TRANK1: variants seen among roughly 807,000 people sequenced by gnomAD.
TRANK1 encodes TPR and ankyrin repeat-containing protein 1.
Under a neutral mutation model 266.0 loss-of-function variants are expected in TRANK1, and 198 were observed. That is an observed-to-expected ratio of 0.74 (90% CI 0.66 to 0.84). The LOEUF is 0.84. TRANK1 is among the 40% of genes least tolerant of loss of function. The pLI, the probability that TRANK1 is intolerant of heterozygous loss-of-function variation, is 0.00. For synonymous variants in TRANK1, 1,396 were observed against 1,384.1 expected, an observed-to-expected ratio of 1.01 and a Z score of -0.19; for missense variants, 3,326 against 3,634.6, an observed-to-expected ratio of 0.92 and a Z score of 2.18.
intron 1 of TRANK1, among the ~76,000 whole-genome samples, chr3:36,943,063 C>A (rs2080519126): frequency 6.6e-6 from 1 of 151,782 alleles, no homozygotes; most frequent in African/African-American, 2.4e-5. Context: ...CCACCCCCGG[C>A]CCCCCGTAAT....
At chr3:36,893,026 C>A in intron 5 of TRANK1, 42 bp from the exon 6 acceptor site, 1 of 1,249,686 alleles carries the variant, frequency 8.0e-7, no homozygotes, top group Non-Finnish European at 1.1e-6. Flanking sequence ...ATAATGTTCT[C>A]CACATAGGTT....
rs531163322 is a variant in TRANK1, at chr3:36,887,956, A to G, written c.907+1873T>C. 2.1e-4 allele frequency among the ~76,000 whole-genome samples: 32 copies of G among 152,342 alleles called. No homozygotes were observed. The South Asian group carries it at 6.6e-3, about 32-fold the overall frequency. The stretch of plus-strand genomic sequence containing the variant: ...GGGAAACAGTCTGGCAGTTCCTCAA[A>G]AGGTTAAACATAGTGTTACCATATG... On this transcript the variant is annotated intron_variant, in intron 8 of 23. Transcript: ENST00000645898.
At chr3:36,830,779 A>C (rs1559410924) in intron 22 of TRANK1, 94 bp downstream of exon 22, 1 of 1,370,406 alleles carries the variant, frequency 7.3e-7, no homozygotes, top group East Asian at 2.5e-5. Flanking sequence ...CACCATCCCC[A>C]AGTCAGAAGC....
At chr3:36,905,056 G>C (rs987668116) in intron 2 of TRANK1, among the ~76,000 whole-genome samples, 1 of 151,824 alleles carries the variant, frequency 6.6e-6, no homozygotes, top group Non-Finnish European at 1.5e-5. Context: ...TTAGGAGGCC[G>C]AGCGGGCGGA....
At position 36,857,465 on chromosome 3, in the gene TRANK1, A is replaced by C. The variant is rs757222548; in HGVS notation, c.2257T>G (p.Cys753Gly). ...TCCAGAGGCTCAGAGCTCTGAAGAC[A>C]GTCCTCTGGGAAAGACGGATCCACT... ...VEVDPSFPEDCLQSSEPLEAG... is the reference protein window; with the variant it reads ...VEVDPSFPEDGLQSSEPLEAG... The change falls in exon 13 of 24, where the codon TGT becomes GGT. Residue 753 changes from cysteine to glycine, a missense_variant. Transcript: ENST00000645898. The surrounding 1 kb of genome is among the most constrained non-coding windows in gnomAD (Gnocchi z 4.3). 15 of 1,613,850 alleles carry C rather than the reference A, an allele frequency of 9.3e-6. 1 individual carries two copies. In the Middle Eastern group the frequency reaches 4.9e-4, roughly 53 times the overall value.
intron 23 of TRANK1, among the ~76,000 whole-genome samples, chr3:36,828,938 G>A (rs549616339): frequency 6.0e-4 from 91 of 152,320 alleles, no homozygotes; most frequent in Non-Finnish European, 1.1e-3. Flanking sequence ...GGCATCTGCG[G>A]TTGATGAAAT....
intron 8 of TRANK1, among the ~76,000 whole-genome samples, chr3:36,875,005 T>C (rs1276107188): frequency 1.4e-5 from 2 of 146,508 alleles, no homozygotes; most frequent in African/African-American, 5.1e-5. Context: ...TCTCCCACTT[T>C]ACCAAAAAAA....
In TRANK1 at chr3:36,834,830, T is replaced by C. The variant is rs1575178773; in HGVS notation, c.5595A>G (p.Glu1865=). The change falls in exon 21 of 24, where the codon GAA becomes GAG. Residue 1865 remains glutamate (E), a synonymous_variant. Transcript: ENST00000645898. ...AGTACATTTTGAGTGCTAGATCAAA[T>C]TCCTGAATCTGCTCAAAGCATCTGA... ...DAFRCFEQIQ[E]FDLALKMYCQ... is the part of the protein sequence containing the mutation. The C allele has an allele frequency of 2.5e-6, 4 of 1,613,718 alleles. No individual in the cohort carries two copies. In the South Asian group the frequency reaches 3.3e-5, roughly 13 times the overall value.
chr3:36,885,386 C>G (rs1376872202), intron 8 of TRANK1, among the ~76,000 whole-genome samples: 1 of 152,130 alleles, frequency 6.6e-6, no homozygotes, highest in East Asian at 1.9e-4. Flanking sequence ...CTACTACTCT[C>G]TGAAAGGGTC....
intron 22 of TRANK1, among the ~76,000 whole-genome samples, chr3:36,830,063 C>T (rs1037227101): frequency 1.3e-5 from 2 of 151,974 alleles, no homozygotes; most frequent in Non-Finnish European, 2.9e-5. Flanking sequence ...AACTATAATC[C>T]CAGCACCTTG....
At chr3:36,852,415 G>A in intron 13 of TRANK1, 70 bp from the exon 14 acceptor site, 1 of 1,400,624 alleles carries the variant, frequency 7.1e-7, no homozygotes, top group East Asian at 2.5e-5. Flanking sequence ...ATTTGGGGTG[G>A]GGGACATGTT....
intron 18 of TRANK1, among the ~76,000 whole-genome samples, chr3:36,842,358 T>G (rs1315669772): frequency 6.6e-6 from 1 of 152,348 alleles, no homozygotes; most frequent in East Asian, 1.9e-4. Context: ...GATTCCTTGG[T>G]GGGGCAAAGG....
chr3:36,894,421 A>G lies in TRANK1; in HGVS notation c.552+1219T>C, dbSNP rs2079758256. 2.0e-5 allele frequency among the ~76,000 whole-genome samples: 3 copies of G among 152,222 alleles called. No homozygotes were observed. In the South Asian group the frequency reaches 6.2e-4, roughly 31 times the overall value. On this transcript the variant is annotated intron_variant, in intron 5 of 23. Transcript: ENST00000645898. ...AAAATAAAGCTGGAAGGATCCTTAT[A>G]AATCTCTTAGGCCAGCTACCTTATC...
At position 36,864,340 on chromosome 3, in the gene TRANK1, G is replaced by T. The variant is rs544947907; in HGVS notation, c.1219C>A (p.Arg407Ser). ...LKQEVVQRFL[R>S]LLSTLQEIPP... ...TTACCTTGCAGAGTAGAAAGGAGACGCAAGAACCTCTGAACTACTTCCTGC... is the reference window on the plus strand; with the variant it reads ...TTACCTTGCAGAGTAGAAAGGAGACTCAAGAACCTCTGAACTACTTCCTGC... The change falls in exon 10 of 24, where the codon CGT (arginine) becomes AGT (serine). Residue 407 changes from arginine to serine, a missense_variant. Physicochemically the swap from Arg to Ser is moderately radical, Grantham distance 110. Coordinates refer to ENST00000645898, the MANE Select transcript of TRANK1 (RefSeq NM_001329998.2). The T allele has an allele frequency of 6.5e-7, 1 of 1,533,268 alleles. No homozygotes were observed. The highest frequency in any genetic ancestry group is 8.7e-7 in the Non-Finnish European group (1 of 1,145,388). 95.0% of individuals were successfully genotyped at this position (1,533,268 alleles called of 1,614,324 possible).
intron 6 of TRANK1, 96 bp from the exon 7 acceptor site, chr3:36,892,436 T>A: frequency 7.0e-7 from 1 of 1,423,096 alleles, no homozygotes; most frequent in Non-Finnish European, 9.4e-7. Context: ...TCAGTAAAAC[T>A]TGGATTAGCT....
At chr3:36,875,877 C>T (rs6764968) in intron 8 of TRANK1, among the ~76,000 whole-genome samples, 50,250 of 152,068 alleles carry the variant, frequency 0.33, 9,308 homozygotes, top group East Asian at 0.57. Context: ...AAAAAAGTAA[C>T]GCTTAGAGCC....
At chr3:36,885,598 G>A (rs926109816) in intron 8 of TRANK1, among the ~76,000 whole-genome samples, 3 of 152,230 alleles carry the variant, frequency 2.0e-5, no homozygotes, top group Non-Finnish European at 2.9e-5. Flanking sequence ...GCAGTAGCAC[G>A]ATCGTAGTTC....
intron 5 of TRANK1, among the ~76,000 whole-genome samples, chr3:36,893,441 G>A (rs145768044): frequency 3.6e-3 from 545 of 152,286 alleles, no homozygotes; most frequent in Non-Finnish European, 5.7e-3. Flanking sequence ...ATGGTGTGCT[G>A]CAGCCGGCTC....
intron 18 of TRANK1, among the ~76,000 whole-genome samples, chr3:36,839,298 C>T (rs780005914): frequency 6.6e-6 from 1 of 152,248 alleles, no homozygotes; most frequent in Non-Finnish European, 1.5e-5. Flanking sequence ...TCAGGCTTCA[C>T]TCTGATCTTT....
Sources: gnomAD v4.1 joint callset for allele counts (sites outside exome capture counted in the v4.1 genomes callset) on GRCh38, gnomAD v4.1.1 for gene constraint, Gnocchi (gnomAD v3.1) non-coding constraint, MANE v1.5 for transcripts, NCBI Gene and HGNC (gene_info 2026-07-23, HGNC 2026-07-21) for gene names.